Variants in CUX2 observed in about 807,000 individuals in gnomAD.
CUX2 encodes homeobox protein cut-like 2.
CUX2 carries 40 observed loss-of-function variants against 144.8 expected under a neutral mutation model. The observed-to-expected ratio is 0.28, with a 90% CI of 0.21 to 0.36. The LOEUF (loss-of-function observed/expected upper bound fraction) is 0.36, where lower values mean the gene tolerates loss of function less well. CUX2 is among the 10% of genes least tolerant of loss of function. CUX2 has a pLI of 1.00. For synonymous variants in CUX2, 827 were observed against 875.6 expected (o/e 0.94, Z 0.98); for missense variants, 1,615 against 1,994.0 (o/e 0.81, Z 3.62).
At chr12:111,075,288 T>C (rs1332820353) in intron 1 of CUX2, among the ~76,000 whole-genome samples, 4 of 152,138 alleles carry the variant, frequency 2.6e-5, no homozygotes, top group African/African-American at 4.8e-5. Context: ...ACAGGATCAA[T>C]AGGATCAGGT....
rs906773223 is a variant in CUX2, at chr12:111,295,414, G to T, written c.637+5G>T. The T allele has an allele frequency of 1.2e-6, 2 of 1,610,938 alleles. No individual in the cohort carries two copies. The highest frequency in any genetic ancestry group is 2.7e-5 in the African/African-American group (2 of 74,976). On this transcript the variant is annotated splice_donor_5th_base_variant and intron_variant, in intron 7 of 21. Coordinates refer to ENST00000261726, the MANE Select transcript of CUX2 (RefSeq NM_015267.4). The surrounding 1 kb of genome is among the most constrained non-coding windows in gnomAD (Gnocchi z 5.0). ...AAATCAAAGTCCTACATTCAGGTATGTGTCGGCACCATGTGGCCTAGAGGG... is the reference window on the plus strand; with the variant it reads ...AAATCAAAGTCCTACATTCAGGTATTTGTCGGCACCATGTGGCCTAGAGGG...
At chr12:111,156,704 G>A (rs1040767060) in intron 1 of CUX2, among the ~76,000 whole-genome samples, 1 of 152,146 alleles carries the variant, frequency 6.6e-6, no homozygotes, top group Non-Finnish European at 1.5e-5. Context: ...AAAGCCGAGT[G>A]CGGTGGCTCA....
At chr12:111,286,226 A>G (rs1361347664) in intron 4 of CUX2, among the ~76,000 whole-genome samples, 1 of 152,186 alleles carries the variant, frequency 6.6e-6, no homozygotes, top group Admixed American at 6.5e-5. Context: ...AAAGCACACA[A>G]CGCCTAGCAA....
intron 1 of CUX2, among the ~76,000 whole-genome samples, chr12:111,067,378 G>T (rs990004474): frequency 6.6e-6 from 1 of 152,224 alleles, no homozygotes; most frequent in Admixed American, 6.5e-5. Context: ...AGGAAGTCTA[G>T]AGCCGCCTGG....
chr12:111,334,479 C>A lies in CUX2; in HGVS notation c.2965C>A (p.Pro989Thr). 6.2e-7 allele frequency: 1 copy of A among 1,611,414 alleles called. No homozygotes were observed. The change falls in exon 19 of 22, where the codon CCC (proline) becomes ACC (threonine). Residue 989 changes from proline (P) to threonine (T), a missense_variant. This residue lies in a region of CUX2 where 128 missense variants were observed against 124.4 expected (regional missense o/e 1.03). Coordinates refer to ENST00000261726, the MANE Select transcript of CUX2 (RefSeq NM_015267.4). Reference protein sequence around the residue: ...TEPRSSPSPPPSPTEPEKSSQ... With the variant: ...TEPRSSPSPPTSPTEPEKSSQ... ...ACCAAGGTCCTCACCATCCCCACCC[C>A]CCAGCCCCACAGAGCCTGAGAAGAG...
At chr12:111,326,989 T>C (rs1162227787) in intron 18 of CUX2, among the ~76,000 whole-genome samples, 1 of 152,186 alleles carries the variant, frequency 6.6e-6, no homozygotes, top group East Asian at 1.9e-4. Context: ...GTGGATCTAA[T>C]ACATGCACAA....
chr12:111,228,169 C>T (rs1397337108), intron 3 of CUX2, among the ~76,000 whole-genome samples: 1 of 152,182 alleles, frequency 6.6e-6, no homozygotes, highest in Non-Finnish European at 1.5e-5. Flanking sequence ...CAGTGAGGGA[C>T]ATGCATACTT....
chr12:111,134,711 A>G (rs75634219), intron 1 of CUX2, among the ~76,000 whole-genome samples: 15,043 of 151,880 alleles, frequency 0.099, 2,575 homozygotes, highest in African/African-American at 0.34. Flanking sequence ...GATATAGGTG[A>G]TAAGGAGATG....
intron 10 of CUX2, among the ~76,000 whole-genome samples, chr12:111,306,463 A>C (rs1237652435): frequency 1.3e-5 from 2 of 152,020 alleles, no homozygotes; most frequent in Admixed American, 6.6e-5. Context: ...TGGAGAAGCC[A>C]TGGGTCTTGG....
intron 3 of CUX2, among the ~76,000 whole-genome samples, chr12:111,219,384 C>CAA (rs751519383): frequency 3.3e-5 from 4 of 120,460 alleles, no homozygotes; most frequent in Non-Finnish European, 5.4e-5. Flanking sequence ...CTTTGTGTTA[C>CAA]AAAAAAAAAA....
intron 1 of CUX2, among the ~76,000 whole-genome samples, chr12:111,038,198 C>T (rs920602846): frequency 1.3e-5 from 2 of 152,186 alleles, no homozygotes; most frequent in Non-Finnish European, 2.9e-5. Flanking sequence ...TTCTGAAGTG[C>T]ATAAATTTTA....
rs80007533 is a variant in CUX2, at chr12:111,191,292, G to A, written c.64-22908G>A. Reference sequence around the variant, plus strand: ...TGTGTGGCTGTCTACCACTATTATTGTTCTTATTCTTTTATTATTTATTTA... The same window carrying A: ...TGTGTGGCTGTCTACCACTATTATTATTCTTATTCTTTTATTATTTATTTA... On this transcript the variant is annotated intron_variant, in intron 1 of 21. Coordinates refer to ENST00000261726, the MANE Select transcript of CUX2 (RefSeq NM_015267.4). 8.2e-3 allele frequency among the ~76,000 whole-genome samples: 1,228 copies of A among 150,452 alleles called. 20 individuals are homozygous for A. Among genetic ancestry groups the A allele is most frequent in the African/African-American group, 0.029 (1,182 of 40,978 alleles).
chr12:111,168,426 C>T (rs1188925940), intron 1 of CUX2, among the ~76,000 whole-genome samples: 1 of 152,234 alleles, frequency 6.6e-6, no homozygotes, highest in African/African-American at 2.4e-5. Flanking sequence ...CCTTATTGAT[C>T]TGATGGGTGG....
rs559593316 is a variant in CUX2 at position 111,221,437 on chromosome 12, G to A, written c.222+3500G>A. On this transcript the variant is annotated intron_variant, in intron 3 of 21. Transcript: ENST00000261726. ...TTAATGAGGCCTCATCCTTTATGCC[G>A]CTGTCCTCTTGCAATCCACCAGGCT... is the stretch of plus-strand genomic sequence containing the variant. Among the ~76,000 whole-genome samples the A allele has an allele frequency of 1.2e-4, 18 of 152,018 alleles. No homozygotes were observed. In the East Asian group the frequency reaches 2.7e-3, roughly 23 times the overall value.
chr12:111,045,723 GTCTTGCCACTTCC>G (rs1258443157), intron 1 of CUX2, among the ~76,000 whole-genome samples: 3 of 152,290 alleles, frequency 2.0e-5, no homozygotes, highest in African/African-American at 7.2e-5. Context: ...TCAGACCCCG[GTCTTGCCACTTCC>G]TCACTGAGAG....
At chr12:111,172,748 A>G (rs1878625217) in intron 1 of CUX2, among the ~76,000 whole-genome samples, 1 of 152,232 alleles carries the variant, frequency 6.6e-6, no homozygotes, top group South Asian at 2.1e-4. Context: ...GCAAATAACC[A>G]GTGAACGTTT....
chr12:111,067,450 G>A (rs1871067875), intron 1 of CUX2, among the ~76,000 whole-genome samples: 1 of 152,236 alleles, frequency 6.6e-6, no homozygotes, highest in Non-Finnish European at 1.5e-5. Flanking sequence ...GAGAGGCTAA[G>A]AGACAGAGTC....
At chr12:111,209,782 G>A (rs951712488) in intron 1 of CUX2, among the ~76,000 whole-genome samples, 14 of 152,154 alleles carry the variant, frequency 9.2e-5, no homozygotes, top group Admixed American at 5.9e-4. Flanking sequence ...TGCAGCACCC[G>A]GTCCCGGGTG....
At chr12:111,051,584 T>A (rs747891842) in intron 1 of CUX2, among the ~76,000 whole-genome samples, 1 of 152,108 alleles carries the variant, frequency 6.6e-6, no homozygotes, top group Non-Finnish European at 1.5e-5. Flanking sequence ...GCATTATATA[T>A]CTTTTTGTAT....
Sources: allele counts gnomAD v4.1 joint callset (sites outside exome capture counted in the v4.1 genomes callset), GRCh38; gene constraint gnomAD v4.1.1; regional missense constraint gnomAD v4.1.1; non-coding constraint Gnocchi (gnomAD v3.1); transcripts MANE v1.5; gene names NCBI Gene and HGNC (gene_info 2026-07-23, HGNC 2026-07-21).